PDE4D: variants seen among roughly 807,000 people sequenced by gnomAD.
PDE4D encodes the protein phosphodiesterase 4D.
In PDE4D, 24 loss-of-function variants were observed where a neutral mutation model predicts 87.4. That is an observed-to-expected ratio of 0.27 (90% CI 0.20 to 0.39). The LOEUF (loss-of-function observed/expected upper bound fraction) is 0.39. PDE4D is among the 10% of genes least tolerant of loss of function. The pLI, the probability that PDE4D is intolerant of heterozygous loss-of-function variation, is 1.00. For synonymous variants in PDE4D, 384 were observed against 383.2 expected (o/e 1.00, Z -0.02); for missense variants, 714 against 1,041.0 (o/e 0.69, Z 4.32).
chr5:59,878,959 C>A (rs1239623968), intron 1 of PDE4D, among the ~76,000 whole-genome samples: 1 of 132,052 alleles, frequency 7.6e-6, no homozygotes, highest in Non-Finnish European at 1.5e-5. Flanking sequence ...AATGCAGTGA[C>A]GCGATCTCGG....
At chr5:59,361,238 A>G (rs1343078047) in intron 1 of PDE4D, among the ~76,000 whole-genome samples, 1 of 152,178 alleles carries the variant, frequency 6.6e-6, no homozygotes, top group African/African-American at 2.4e-5. Context: ...TGTTTATTGA[A>G]TATCTACTAA....
intron 1 of PDE4D, among the ~76,000 whole-genome samples, chr5:59,271,628 T>C (rs1305509324): frequency 2.6e-5 from 4 of 152,010 alleles, no homozygotes. Context: ...AAAGAGCTAA[T>C]AAAAAAATTA....
chr5:59,844,138 G>C (rs774050635), intron 1 of PDE4D, among the ~76,000 whole-genome samples: 1 of 152,008 alleles, frequency 6.6e-6, no homozygotes, highest in African/African-American at 2.4e-5. Flanking sequence ...TACAAAATTT[G>C]ATTCCTTCAA....
At chr5:59,821,141 G>C (rs535849955) in intron 1 of PDE4D, among the ~76,000 whole-genome samples, 58 of 152,054 alleles carry the variant, frequency 3.8e-4, no homozygotes, top group Non-Finnish European at 6.6e-4. Context: ...GCTGAGGCAG[G>C]AGAATCACTT....
At chr5:60,070,009 G>C (rs1238961486) in intron 2 of PDE4D, among the ~76,000 whole-genome samples, 1 of 152,070 alleles carries the variant, frequency 6.6e-6, no homozygotes, top group Non-Finnish European at 1.5e-5. Context: ...AAATGCAACT[G>C]ATTCTGGTAT....
chr5:60,167,018 T>C (rs984467224), intron 2 of PDE4D, among the ~76,000 whole-genome samples: 2 of 152,166 alleles, frequency 1.3e-5, no homozygotes, highest in African/African-American at 4.8e-5. Flanking sequence ...TCGTAATATG[T>C]ATTGAATAGT....
chr5:60,420,927 C>T (rs777424278), intron 1 of PDE4D, among the ~76,000 whole-genome samples: 2 of 152,216 alleles, frequency 1.3e-5, no homozygotes, highest in African/African-American at 4.8e-5. Context: ...GAGACTTGCT[C>T]ATTGCTAGCA....
intron 1 of PDE4D, among the ~76,000 whole-genome samples, chr5:59,712,772 GC>G (rs1178747219): frequency 3.9e-5 from 6 of 151,996 alleles, no homozygotes; most frequent in African/African-American, 1.4e-4. Flanking sequence ...CTGAGCAGGG[GC>G]CCAAGATTTA....
rs138864126 is a variant in PDE4D, at chr5:59,565,176, G to A, written c.455+327992C>T. Among the ~76,000 whole-genome samples, 5 of 152,110 alleles carry A rather than the reference G, an allele frequency of 3.3e-5. No individual in the cohort carries two copies. The East Asian group carries it at 9.7e-4, about 29-fold the overall frequency. On this transcript the variant is annotated intron_variant, in intron 1 of 14. Coordinates refer to ENST00000340635, the MANE Select transcript of PDE4D (RefSeq NM_001104631.2). ...GCTCTTAGGTCTCTGCAGAAGGAAA[G>A]AGAAGGAGAATGGGACAGGTGGTGA...
At chr5:59,311,873 A>G (rs1772726293) in intron 1 of PDE4D, among the ~76,000 whole-genome samples, 1 of 152,076 alleles carries the variant, frequency 6.6e-6, no homozygotes, top group Admixed American at 6.6e-5. Context: ...CAAACCTCAC[A>G]TCCTAGCTAT....
intron 1 of PDE4D, among the ~76,000 whole-genome samples, chr5:59,410,171 T>C (rs1441246569): frequency 7.2e-5 from 11 of 152,160 alleles, no homozygotes; most frequent in Non-Finnish European, 1.5e-5. Flanking sequence ...GATCTTATTC[T>C]TCCTCCCCAC....
intron 3 of PDE4D, among the ~76,000 whole-genome samples, chr5:59,927,409 G>A (rs1409959202): frequency 6.6e-6 from 1 of 152,150 alleles, no homozygotes; most frequent in African/African-American, 2.4e-5. Flanking sequence ...ATAAAAACTG[G>A]TAACCAGACA....
rs550100212 is a variant in PDE4D at position 59,433,338 on chromosome 5, C to A, written c.456-217370G>T. On this transcript the variant is annotated intron_variant, in intron 1 of 14. Coordinates refer to ENST00000340635, the MANE Select transcript of PDE4D (RefSeq NM_001104631.2). The stretch of plus-strand genomic sequence containing the variant: ...TACCCAGGTAATTATTTACCAAAAG[C>A]CTGGCAGGGGCTCCTGGGGATTACC... Among the ~76,000 whole-genome samples, 276 of 152,100 alleles carry A rather than the reference C, an allele frequency of 1.8e-3. 2 individuals are homozygous for A. Among genetic ancestry groups the A allele is most frequent in the African/African-American group, 6.5e-3 (270 of 41,510 alleles).
chr5:59,649,182 T>C (rs2150228141), intron 1 of PDE4D, among the ~76,000 whole-genome samples: 1 of 152,112 alleles, frequency 6.6e-6, no homozygotes, highest in East Asian at 1.9e-4. Context: ...AAGGGAGAGG[T>C]CATTAGAAAG....
chr5:59,852,998 C>G (rs1326626906), intron 1 of PDE4D, among the ~76,000 whole-genome samples: 2 of 152,064 alleles, frequency 1.3e-5, no homozygotes, highest in African/African-American at 4.8e-5. Context: ...TAAGAGTTCT[C>G]TCTCTGGGCT....
intron 1 of PDE4D, among the ~76,000 whole-genome samples, chr5:60,387,653 G>A (rs543020454): frequency 6.6e-6 from 1 of 152,144 alleles, no homozygotes; most frequent in South Asian, 2.1e-4. Flanking sequence ...GCCCTTAAAG[G>A]TCTGGGCTTC....
chr5:59,218,201 C>T (rs149224105), intron 1 of PDE4D, among the ~76,000 whole-genome samples: 2 of 152,168 alleles, frequency 1.3e-5, no homozygotes, highest in Non-Finnish European at 2.9e-5. Flanking sequence ...ATGTTTATTT[C>T]CCTTTAATAT....
At chr5:59,677,224 G>A (rs978643812) in intron 1 of PDE4D, among the ~76,000 whole-genome samples, 3 of 151,902 alleles carry the variant, frequency 2.0e-5, no homozygotes, top group African/African-American at 7.3e-5. Flanking sequence ...GTACAGAAAG[G>A]CAAATGCTGG....
At chr5:59,057,050 G>C (rs996089454) in intron 5 of PDE4D, among the ~76,000 whole-genome samples, 4 of 152,160 alleles carry the variant, frequency 2.6e-5, no homozygotes, top group African/African-American at 9.7e-5. Context: ...AGAATGGTTA[G>C]AAATGAATTC....
Sources: allele counts gnomAD v4.1 joint callset (sites outside exome capture counted in the v4.1 genomes callset), GRCh38; gene constraint gnomAD v4.1.1; transcripts MANE v1.5; gene names NCBI Gene and HGNC (gene_info 2026-07-23, HGNC 2026-07-21).